Variants in CDC42SE2 observed in about 807,000 individuals in gnomAD.
CDC42SE2 encodes the protein CDC42 small effector 2, also known as CDC42 small effector protein 2.
Under a neutral mutation model 11.5 loss-of-function variants are expected in CDC42SE2, and 3 were observed. That is an observed-to-expected ratio of 0.26 (90% confidence interval 0.12 to 0.67). The LOEUF (loss-of-function observed/expected upper bound fraction) is 0.67. Among genes scored for constraint, CDC42SE2 ranks in the 30% least tolerant of loss-of-function variants. The pLI, the probability that CDC42SE2 is intolerant of heterozygous loss-of-function variation, is 0.80. For synonymous variants in CDC42SE2, 33 were observed against 34.8 expected, an observed-to-expected ratio of 0.95 and a Z score of 0.18; for missense variants, 82 against 106.8, an observed-to-expected ratio of 0.77 and a Z score of 1.02.
rs542581548 is a variant in CDC42SE2 at position 131,371,037 on chromosome 5, A to G, written c.54+11490A>G. Among the ~76,000 whole-genome samples the G allele has an allele frequency of 2.9e-3, 438 of 152,320 alleles. 7 individuals carry two copies. The highest frequency in any genetic ancestry group is 3.2e-3 in the Non-Finnish European group (219 of 68,016). On this transcript the variant is annotated intron_variant, in intron 3 of 4. Coordinates refer to ENST00000505065, the MANE Select transcript of CDC42SE2 (RefSeq NM_001375635.1). ...TAGTGCATTGTTGTAGAAAAATAAAATGTTTTTGCTGATATGTATCTGTGA... is the reference window on the plus strand; with the variant it reads ...TAGTGCATTGTTGTAGAAAAATAAAGTGTTTTTGCTGATATGTATCTGTGA...
At chr5:131,266,176 A>G (rs1756853965) in intron 1 of CDC42SE2, among the ~76,000 whole-genome samples, 2 of 152,196 alleles carry the variant, frequency 1.3e-5, no homozygotes, top group South Asian at 4.1e-4. Context: ...TTTTGCATTT[A>G]TTCTGAACAT....
chr5:131,224,730 A>T, the CDC42SE2 span, among the ~76,000 whole-genome samples: 1 of 152,044 alleles, frequency 6.6e-6, no homozygotes, highest in Non-Finnish European at 1.5e-5. Flanking sequence ...CTCAGAACGA[A>T]AGTCAAAATT....
intron 3 of CDC42SE2, among the ~76,000 whole-genome samples, chr5:131,362,520 A>C (rs748697317): frequency 6.6e-5 from 10 of 152,178 alleles, no homozygotes; most frequent in Non-Finnish European, 1.3e-4. Context: ...AGTTTTCTAA[A>C]ATATTTACTG....
At chr5:131,288,151 G>A (rs1757379828) in intron 1 of CDC42SE2, among the ~76,000 whole-genome samples, 1 of 151,824 alleles carries the variant, frequency 6.6e-6, no homozygotes, top group Non-Finnish European at 1.5e-5. Context: ...TTAAGCCCCG[G>A]AGGTTGAGGC....
intron 3 of CDC42SE2, among the ~76,000 whole-genome samples, chr5:131,362,611 C>G (rs552513031): frequency 6.6e-6 from 1 of 152,264 alleles, no homozygotes; most frequent in Non-Finnish European, 1.5e-5. Context: ...GAAAAAGGAA[C>G]AACCCAATAT....
intron 3 of CDC42SE2, among the ~76,000 whole-genome samples, chr5:131,362,939 G>C (rs575670865): frequency 6.6e-6 from 1 of 152,178 alleles, no homozygotes; most frequent in African/African-American, 2.4e-5. Flanking sequence ...CTGAGCTCAG[G>C]AGTTCGAGAC....
chr5:131,385,416 T>C (rs1296985193), intron 3 of CDC42SE2, 127 bp from the exon 4 acceptor site: 2 of 577,020 alleles, frequency 3.5e-6, no homozygotes, highest in Non-Finnish European at 6.2e-6. Context: ...GAAGTAATTG[T>C]GGCAGTCTAA....
chr5:131,268,054 CTTTTTTTTTTT>C (rs148354795), intron 1 of CDC42SE2, among the ~76,000 whole-genome samples: 128 of 65,450 alleles, frequency 2.0e-3, no homozygotes, highest in African/African-American at 8.0e-3. Context: ...CATGCTTATT[CTTTTTTTTTTT>C]TTTTTTTTTT....
chr5:131,296,276 C>T (rs985427412), intron 1 of CDC42SE2, among the ~76,000 whole-genome samples: 3 of 152,162 alleles, frequency 2.0e-5, no homozygotes, highest in Admixed American at 6.5e-5. Flanking sequence ...ATGATTATAA[C>T]ACTTAGATTT....
intron 4 of CDC42SE2, 57 bp from the exon 5 acceptor site, chr5:131,390,936 C>A: frequency 1.8e-6 from 2 of 1,125,664 alleles, no homozygotes; most frequent in Non-Finnish European, 2.6e-6. Context: ...TACTTAGTTG[C>A]ACCGGACCTA....
chr5:131,321,654 G>T (rs1471254154), intron 2 of CDC42SE2, among the ~76,000 whole-genome samples: 1 of 152,150 alleles, frequency 6.6e-6, no homozygotes, highest in African/African-American at 2.4e-5. Flanking sequence ...GCTAATATTA[G>T]GGGCTGTATT....
At chr5:131,326,064 C>T (rs945625382) in intron 2 of CDC42SE2, among the ~76,000 whole-genome samples, 9 of 151,572 alleles carry the variant, frequency 5.9e-5, no homozygotes, top group Admixed American at 2.0e-4. Context: ...AATGTTTTTA[C>T]GTTTTAATCT....
At chr5:131,352,417 G>T (rs1380838408) in intron 2 of CDC42SE2, among the ~76,000 whole-genome samples, 1 of 152,136 alleles carries the variant, frequency 6.6e-6, no homozygotes, top group Non-Finnish European at 1.5e-5. Context: ...CATGCTGAAT[G>T]AAAGAAGCCA....
chr5:131,363,060 C>T (rs1286007362), intron 3 of CDC42SE2, among the ~76,000 whole-genome samples: 1 of 151,912 alleles, frequency 6.6e-6, no homozygotes, highest in African/African-American at 2.4e-5. Context: ...AGGAGAACTG[C>T]TTGAACCCGC....
chr5:131,273,499 G>T (rs62391407), intron 1 of CDC42SE2, among the ~76,000 whole-genome samples: 83,030 of 148,764 alleles, frequency 0.56, 27,678 homozygotes, highest in Non-Finnish European at 0.76. Context: ...GGCCAGGCGC[G>T]GTGGCTCATG....
intron 1 of CDC42SE2, among the ~76,000 whole-genome samples, chr5:131,264,618 A>G (rs1411406302): frequency 6.7e-6 from 1 of 148,494 alleles, no homozygotes; most frequent in Non-Finnish European, 1.5e-5. Flanking sequence ...CGGAGCTCCG[A>G]CTCTTCGCCT....
intron 1 of CDC42SE2, among the ~76,000 whole-genome samples, chr5:131,249,446 G>T (rs1313970401): frequency 1.3e-5 from 2 of 152,132 alleles, no homozygotes; most frequent in Non-Finnish European, 2.9e-5. Flanking sequence ...CAATGAAACA[G>T]AATGGATATC....
At chr5:131,368,327 A>G (rs895590865) in intron 3 of CDC42SE2, among the ~76,000 whole-genome samples, 1 of 151,604 alleles carries the variant, frequency 6.6e-6, no homozygotes, top group African/African-American at 2.4e-5. Context: ...GCTTCCCTAC[A>G]TGCATGAGTC....
At chr5:131,230,161 C>T in the CDC42SE2 span, among the ~76,000 whole-genome samples, 3 of 152,044 alleles carry the variant, frequency 2.0e-5, no homozygotes, top group African/African-American at 7.2e-5. Context: ...ACAATTCTGT[C>T]GCCTCCTTTT....
Sources: gnomAD v4.1 joint callset for allele counts (sites outside exome capture counted in the v4.1 genomes callset) on GRCh38, gnomAD v4.1.1 for gene constraint, MANE v1.5 for transcripts, NCBI Gene and HGNC (gene_info 2026-07-23, HGNC 2026-07-21) for gene names.